Variants in SREK1 observed in about 807,000 individuals in gnomAD.
SREK1 encodes splicing regulatory glutamine/lysine-rich protein 1.
Under a neutral mutation model 66.5 loss-of-function variants are expected in SREK1, and 13 were observed. The observed-to-expected ratio is 0.20, with a 90% CI of 0.13 to 0.31. The LOEUF (loss-of-function observed/expected upper bound fraction) is 0.31, where lower values mean the gene tolerates loss of function less well. Ranked by LOEUF, SREK1 falls within the 10% of genes least tolerant of loss-of-function variation. The pLI is 1.00. For synonymous variants in SREK1, 265 were observed against 263.5 expected, an observed-to-expected ratio of 1.01 and a Z score of -0.05; for missense variants, 607 against 769.6, an observed-to-expected ratio of 0.79 and a Z score of 2.50.
intron 1 of SREK1, among the ~76,000 whole-genome samples, chr5:66,146,758 T>C (rs1186200948): frequency 6.6e-6 from 1 of 152,218 alleles, no homozygotes; most frequent in Non-Finnish European, 1.5e-5. Context: ...AGTAGTTGTA[T>C]TGAAAATATA....
At chr5:66,164,008 C>A in intron 6 of SREK1, 86 bp downstream of exon 6, 1 of 1,463,068 alleles carries the variant, frequency 6.8e-7, no homozygotes, top group Non-Finnish European at 9.2e-7. Flanking sequence ...TCATCTTGTT[C>A]AGTCACTTCA....
At chr5:66,154,439 A>G (rs1744110539) in intron 2 of SREK1, among the ~76,000 whole-genome samples, 1 of 152,214 alleles carries the variant, frequency 6.6e-6, no homozygotes, top group African/African-American at 2.4e-5. Context: ...TATAAATTAA[A>G]ATGTCTTAAA....
intron 2 of SREK1, among the ~76,000 whole-genome samples, chr5:66,154,786 A>G (rs1335634735): frequency 1.3e-5 from 2 of 152,128 alleles, no homozygotes; most frequent in Non-Finnish European, 2.9e-5. Context: ...ATAAAAATGG[A>G]TTAAAGTTAA....
intron 7 of SREK1, 66 bp downstream of exon 7, chr5:66,164,963 T>C (rs1745057839): frequency 4.8e-6 from 7 of 1,446,672 alleles, no homozygotes; most frequent in African/African-American, 1.4e-5. Context: ...TAAGATTTTA[T>C]GAGTTTTCGT....
chr5:66,166,250 T>G (rs185578316), intron 7 of SREK1: 1 of 152,152 alleles, frequency 6.6e-6, no homozygotes, highest in East Asian at 1.9e-4. Context: ...AAGAGTAATA[T>G]TACAACTTCT....
Position 66,177,649 on chromosome 5 carries a change from T to C in SREK1, c.1716T>C (p.Thr572=). 1.3e-6 allele frequency: 2 copies of C among 1,594,654 alleles called. No homozygotes were observed. The highest frequency in any genetic ancestry group is 1.7e-6 in the Non-Finnish European group (2 of 1,173,678). The change falls in exon 11 of 12, where the codon ACT becomes ACC. Residue 572 remains threonine (T), a synonymous_variant. Coordinates refer to ENST00000334121, the MANE Select transcript of SREK1 (RefSeq NM_001077199.3). ...DGKEKLEKNS[T]SLKEKEHNKE... ...AGGAGAAGTTGGAGAAGAACAGTACTTCACTTAAAGTAAGCAGCAGTCATT... is the reference window on the plus strand; with the variant it reads ...AGGAGAAGTTGGAGAAGAACAGTACCTCACTTAAAGTAAGCAGCAGTCATT...
rs539645564 is a variant in SREK1 at position 66,159,345 on chromosome 5, T to C, written c.411+11T>C. The C allele has an allele frequency of 3.8e-6, 6 of 1,588,890 alleles. No homozygotes were observed. The highest frequency in any genetic ancestry group is 4.3e-6 in the Non-Finnish European group (5 of 1,168,826). ...AATCCTTTGACTACTGTAAGTACTA[T>C]AAGCTGGCTTATGAAAGAGGTGAAT... On this transcript the variant is annotated intron_variant, in intron 3 of 11. Coordinates refer to ENST00000334121, the MANE Select transcript of SREK1 (RefSeq NM_001077199.3).
At chr5:66,145,756 G>A (rs1031928413) in intron 1 of SREK1, among the ~76,000 whole-genome samples, 12 of 148,454 alleles carry the variant, frequency 8.1e-5, no homozygotes, top group African/African-American at 2.5e-5. Flanking sequence ...TTTTAATAAT[G>A]CTTTTTTGTC....
intron 8 of SREK1, 25 bp from the exon 9 acceptor site, chr5:66,170,560 A>C: frequency 6.4e-7 from 1 of 1,572,524 alleles, no homozygotes; most frequent in African/African-American, 1.4e-5. Flanking sequence ...TTTAGTTATG[A>C]ATTTATTTAT....
At chr5:66,151,834 C>CTTTCTT (rs1743845573) in intron 1 of SREK1, among the ~76,000 whole-genome samples, 1 of 84,780 alleles carries the variant, frequency 1.2e-5, no homozygotes, top group Non-Finnish European at 2.4e-5. Context: ...GAGGTACATC[C>CTTTCTT]TTTTTTTTTT....
intron 2 of SREK1, chr5:66,156,869 T>C (rs1208176911): frequency 1.0e-5 from 10 of 983,110 alleles, no homozygotes; most frequent in Non-Finnish European, 1.2e-5. Flanking sequence ...TTTCAGAGGT[T>C]ACTAGCTTCT....
chr5:66,177,754 T>C (rs1013110262), intron 11 of SREK1, 96 bp downstream of exon 11: 16 of 982,750 alleles, frequency 1.6e-5, no homozygotes, highest in Non-Finnish European at 2.3e-5. Context: ...CAGTGTCTTG[T>C]ACATTGTTGG....
intron 1 of SREK1, among the ~76,000 whole-genome samples, chr5:66,146,776 G>A (rs923630232): frequency 1.3e-5 from 2 of 152,084 alleles, no homozygotes; most frequent in Admixed American, 6.5e-5. Context: ...ATATTGTTTT[G>A]CAGTGTCACA....
At chr5:66,147,473 A>G (rs1268175150) in intron 1 of SREK1, among the ~76,000 whole-genome samples, 3 of 152,226 alleles carry the variant, frequency 2.0e-5, no homozygotes, top group Non-Finnish European at 2.9e-5. Context: ...GCACACAGTC[A>G]GGATTATCTG....
chr5:66,176,071 T>G (rs183220359), intron 10 of SREK1, among the ~76,000 whole-genome samples: 149 of 152,314 alleles, frequency 9.8e-4, no homozygotes, highest in African/African-American at 3.4e-3. Flanking sequence ...TTTTATATTT[T>G]GCAGTTAAAT....
intron 1 of SREK1, among the ~76,000 whole-genome samples, chr5:66,148,834 C>T (rs975924152): frequency 1.3e-5 from 2 of 151,720 alleles, no homozygotes; most frequent in African/African-American, 4.8e-5. Flanking sequence ...TTTTTTTTCC[C>T]CCAAGGTCTT....
chr5:66,159,077 C>T, intron 2 of SREK1, 142 bp from the exon 3 acceptor site: 2 of 1,421,516 alleles, frequency 1.4e-6, no homozygotes, highest in Non-Finnish European at 1.8e-6. Context: ...GACTTAAGTT[C>T]TTATTTATTT....
rs1417952512 is a variant in SREK1 at position 66,182,150 on chromosome 5, C to T, written c.*3282C>T. 1 of 151,204 alleles carries T rather than the reference C, an allele frequency of 6.6e-6. No homozygotes were observed. Among genetic ancestry groups the T allele is most frequent in the African/African-American group, 2.4e-5 (1 of 41,056 alleles). 9.4% of individuals were successfully genotyped at this position (151,204 alleles called of 1,614,324 possible). On this transcript the variant is annotated 3_prime_UTR_variant, in exon 12 of 12. Transcript: ENST00000334121. ...GTTGAATTAACAATTAAAATGAATC[C>T]CTTTGGAGGGATGGCATTGAATAAC...
chr5:66,159,401 C>T (rs889637141), intron 3 of SREK1, 67 bp downstream of exon 3: 5 of 1,237,590 alleles, frequency 4.0e-6, no homozygotes, highest in South Asian at 2.0e-5. Context: ...GAATAGAGAG[C>T]TTCAGATTAT....
Sources: gnomAD v4.1 joint callset for allele counts (sites outside exome capture counted in the v4.1 genomes callset) on GRCh38, gnomAD v4.1.1 for gene constraint, MANE v1.5 for transcripts, NCBI Gene and HGNC (gene_info 2026-07-23, HGNC 2026-07-21) for gene names.